The following CNTNAP2 variants were observed in gnomAD, a reference collection of about 807,000 sequenced individuals.
The protein encoded by CNTNAP2 is contactin-associated protein-like 2.
Under a neutral mutation model 155.2 loss-of-function variants are expected in CNTNAP2, and 98 were observed. That is an observed-to-expected ratio of 0.63 (90% CI 0.54 to 0.75). The LOEUF (loss-of-function observed/expected upper bound fraction) is 0.75. CNTNAP2 is among the 30% of genes least tolerant of loss of function. The pLI is 0.00. For synonymous variants in CNTNAP2, 651 were observed against 631.2 expected, an observed-to-expected ratio of 1.03 and a Z score of -0.47; for missense variants, 1,727 against 1,688.1, an observed-to-expected ratio of 1.02 and a Z score of -0.40.
At chr7:146,681,699 A>G (rs558736884) in intron 1 of CNTNAP2, among the ~76,000 whole-genome samples, 12 of 152,246 alleles carry the variant, frequency 7.9e-5, no homozygotes, top group Admixed American at 2.0e-4. Flanking sequence ...TACCTGGATG[A>G]TGATATAATC....
At chr7:147,416,403 T>A (rs958750429) in intron 10 of CNTNAP2, among the ~76,000 whole-genome samples, 1 of 152,166 alleles carries the variant, frequency 6.6e-6, no homozygotes, top group African/African-American at 2.4e-5. Flanking sequence ...CAACTCCACA[T>A]TGAGCCAATA....
rs900413817 is a variant in CNTNAP2 at position 148,417,561 on chromosome 7, C to A, written c.*1945C>A. 1 of 152,262 alleles carries A rather than the reference C, an allele frequency of 6.6e-6. No homozygotes were observed. The highest frequency in any genetic ancestry group is 2.4e-5 in the African/African-American group (1 of 41,426). 9.4% of individuals were successfully genotyped at this position (152,262 alleles called of 1,614,324 possible). On this transcript the variant is annotated 3_prime_UTR_variant, in exon 24 of 24. Transcript: ENST00000361727. ...TACTTAATATCACTAAATATCAGAACAATGTAACATTTACAAATGACATAT... is the reference window on the plus strand; with the variant it reads ...TACTTAATATCACTAAATATCAGAAAAATGTAACATTTACAAATGACATAT...
At chr7:147,544,483 A>C (rs1013121696) in intron 11 of CNTNAP2, among the ~76,000 whole-genome samples, 3 of 152,158 alleles carry the variant, frequency 2.0e-5, no homozygotes, top group African/African-American at 4.8e-5. Flanking sequence ...TATTTCTGGC[A>C]AAAATGAAAA....
chr7:147,277,055 A>T (rs1405239381), intron 8 of CNTNAP2, among the ~76,000 whole-genome samples: 1 of 151,994 alleles, frequency 6.6e-6, no homozygotes, highest in Admixed American at 6.6e-5. Context: ...CTGCGTTACA[A>T]TTCATCTCAT....
intron 1 of CNTNAP2, among the ~76,000 whole-genome samples, chr7:146,350,474 A>G (rs1180376425): frequency 6.6e-6 from 1 of 152,226 alleles, no homozygotes; most frequent in East Asian, 1.9e-4. Flanking sequence ...CAAAACCACA[A>G]TGAGATACCA....
chr7:148,277,360 T>G (rs1056933923), intron 21 of CNTNAP2, among the ~76,000 whole-genome samples: 1 of 152,180 alleles, frequency 6.6e-6, no homozygotes, highest in African/African-American at 2.4e-5. Flanking sequence ...CTTTGCTTAC[T>G]TGCTGTGCCC....
At chr7:148,197,985 T>C (rs2116727060) in intron 18 of CNTNAP2, among the ~76,000 whole-genome samples, 1 of 152,368 alleles carries the variant, frequency 6.6e-6, no homozygotes, top group Non-Finnish European at 1.5e-5. Flanking sequence ...TAAAAGGTTA[T>C]TTCCATCTGG....
At chr7:146,767,472 A>C (rs925456282) in intron 1 of CNTNAP2, among the ~76,000 whole-genome samples, 1 of 152,268 alleles carries the variant, frequency 6.6e-6, no homozygotes, top group Non-Finnish European at 1.5e-5. Flanking sequence ...GAAGAGTAAT[A>C]ATAGCAATGA....
intron 1 of CNTNAP2, among the ~76,000 whole-genome samples, chr7:146,607,794 T>C (rs1799072523): frequency 6.6e-6 from 1 of 152,148 alleles, no homozygotes; most frequent in Non-Finnish European, 1.5e-5. Flanking sequence ...ATCTTTCTTC[T>C]TAAATCACTT....
intron 8 of CNTNAP2, among the ~76,000 whole-genome samples, chr7:147,250,955 CTGTT>C (rs1451385173): frequency 2.6e-5 from 4 of 152,092 alleles, no homozygotes; most frequent in Admixed American, 6.6e-5. Context: ...TGCTTTGTTC[CTGTT>C]TGTTTTATAG....
intron 21 of CNTNAP2, among the ~76,000 whole-genome samples, chr7:148,348,378 T>A (rs778505840): frequency 1.3e-5 from 2 of 152,246 alleles, no homozygotes; most frequent in African/African-American, 2.4e-5. Context: ...TAGTGGATAT[T>A]TTTGCAAGGA....
At chr7:146,951,780 C>CT (rs1797318417) in intron 3 of CNTNAP2, among the ~76,000 whole-genome samples, 1 of 152,094 alleles carries the variant, frequency 6.6e-6, no homozygotes, top group East Asian at 1.9e-4. Context: ...TATACGGGCT[C>CT]TTTTTTGTTT....
chr7:148,061,956 T>C (rs1411505614), intron 15 of CNTNAP2, among the ~76,000 whole-genome samples: 60 of 28,066 alleles, frequency 2.1e-3, no homozygotes, highest in African/African-American at 7.1e-3. Flanking sequence ...TAAACAGATA[T>C]AGATAGATAG....
chr7:146,963,509 A>T (rs1003920614), intron 3 of CNTNAP2, among the ~76,000 whole-genome samples: 1 of 152,142 alleles, frequency 6.6e-6, no homozygotes, highest in Non-Finnish European at 1.5e-5. Flanking sequence ...CTCATTTTTA[A>T]TATATCTCAT....
chr7:146,668,265 G>A (rs1247027680), intron 1 of CNTNAP2, among the ~76,000 whole-genome samples: 1 of 151,972 alleles, frequency 6.6e-6, no homozygotes, highest in African/African-American at 2.4e-5. Flanking sequence ...TTTAATGTAT[G>A]ATGTTTATTG....
At chr7:147,840,461 C>T (rs1000624511) in intron 13 of CNTNAP2, among the ~76,000 whole-genome samples, 4 of 152,118 alleles carry the variant, frequency 2.6e-5, no homozygotes, top group Non-Finnish European at 4.4e-5. Flanking sequence ...GTTACTGCAG[C>T]ATGTCCAGGT....
intron 1 of CNTNAP2, among the ~76,000 whole-genome samples, chr7:146,233,124 A>C (rs1364227843): frequency 6.6e-6 from 1 of 152,176 alleles, no homozygotes; most frequent in African/African-American, 2.4e-5. Context: ...AAGTGTTCTA[A>C]GCACTAACTA....
At chr7:148,177,308 G>A (rs1005074541) in intron 18 of CNTNAP2, among the ~76,000 whole-genome samples, 8 of 152,156 alleles carry the variant, frequency 5.3e-5, no homozygotes, top group Admixed American at 1.3e-4. Flanking sequence ...AGAGGAGGGG[G>A]CACAGAGGTA....
intron 1 of CNTNAP2, among the ~76,000 whole-genome samples, chr7:146,154,425 A>C (rs1798095492): frequency 6.6e-6 from 1 of 152,186 alleles, no homozygotes. Flanking sequence ...CAAATACTTC[A>C]GTAAAACTTC....
Sources: gnomAD v4.1 joint callset for allele counts (sites outside exome capture counted in the v4.1 genomes callset) on GRCh38, gnomAD v4.1.1 for gene constraint, MANE v1.5 for transcripts, NCBI Gene and HGNC (gene_info 2026-07-23, HGNC 2026-07-21) for gene names.